Variants in LPP observed in about 807,000 individuals in gnomAD.
The protein encoded by LPP is LIM domain containing preferred translocation partner in lipoma.
A neutral mutation model predicts 60.4 loss-of-function variants in LPP; 38 were observed. That is an observed-to-expected ratio of 0.63 (90% CI 0.49 to 0.83). LPP has a LOEUF of 0.83. Among genes scored for constraint, LPP ranks in the 40% least tolerant of loss-of-function variants. The probability of loss-of-function intolerance (pLI) is 0.00; values close to 1 mark genes in which losing one functional copy is unlikely to be tolerated. For missense variants in LPP, 902 were observed against 783.6 expected (o/e 1.15, Z -1.80); for synonymous variants, 328 against 290.8 (o/e 1.13, Z -1.30).
At chr3:188,680,519 A>C (rs1459233953) in intron 7 of LPP, among the ~76,000 whole-genome samples, 1 of 152,262 alleles carries the variant, frequency 6.6e-6, no homozygotes, top group Non-Finnish European at 1.5e-5. Context: ...TTCATATTTC[A>C]GATGCCTGCA....
At chr3:188,495,083 T>TATATATATATATATTTA (rs57578460) in intron 5 of LPP, among the ~76,000 whole-genome samples, 3 of 77,812 alleles carry the variant, frequency 3.9e-5, no homozygotes, top group African/African-American at 8.6e-5. Context: ...TATATATATA[T>TATATATATATATATTTA]TTTATTTATA....
rs1161825525 is a variant in LPP at position 188,876,743 on chromosome 3, T to C, written c.*2264T>C. The C allele has an allele frequency of 2.1e-5, 4 of 187,180 alleles. No homozygotes were observed. The highest frequency in any genetic ancestry group is 3.4e-5 in the Non-Finnish European group (3 of 88,612). 11.6% of individuals were successfully genotyped at this position (187,180 alleles called of 1,614,324 possible). A position where few individuals can be genotyped will look rare whatever the true frequency, so the allele number is the denominator to read the frequency against. ...AAAGTGGTCATATTATTATTAATTT[T>C]GCCAAAAGAAGAAGAATTTATTGAA... On this transcript the variant is annotated 3_prime_UTR_variant, in exon 12 of 12. Transcript: ENST00000617246.
chr3:188,754,045 A>G (rs2150369245), intron 8 of LPP, among the ~76,000 whole-genome samples: 1 of 152,288 alleles, frequency 6.6e-6, no homozygotes, highest in South Asian at 2.1e-4. Context: ...GAGTCCCAAG[A>G]AAATAGTGAG....
chr3:188,467,639 C>T lies in LPP; in HGVS notation c.194-16953C>T, dbSNP rs116230632. 1.9e-3 allele frequency among the ~76,000 whole-genome samples: 294 copies of T among 152,172 alleles called. 1 individual carries two copies. Among genetic ancestry groups the T allele is most frequent in the African/African-American group, 6.5e-3 (271 of 41,536 alleles). ...TCCTGGAGTATAAGGATGGGCCCAA[C>T]GCTATTACAAGTGTGATAGCAAATG... On this transcript the variant is annotated intron_variant, in intron 4 of 11. Coordinates refer to ENST00000617246, the MANE Select transcript of LPP (RefSeq NM_001375462.1).
chr3:188,751,566 A>G (rs1455733299), intron 8 of LPP, among the ~76,000 whole-genome samples: 2 of 152,218 alleles, frequency 1.3e-5, no homozygotes, highest in Non-Finnish European at 2.9e-5. Flanking sequence ...CTGCCTGGCC[A>G]GATAATTTTA....
At chr3:188,184,961 A>G (rs1577168812) in intron 1 of LPP, among the ~76,000 whole-genome samples, 1 of 152,006 alleles carries the variant, frequency 6.6e-6, no homozygotes, top group Admixed American at 6.5e-5. Context: ...AAGAAGAGAG[A>G]GCTATGAAAC....
At chr3:188,616,194 C>T (rs1844817623) in intron 7 of LPP, among the ~76,000 whole-genome samples, 7 of 152,102 alleles carry the variant, frequency 4.6e-5, no homozygotes, top group Admixed American at 4.6e-4. Context: ...AGGTTTTCTC[C>T]TAGGGTTTTT....
At chr3:188,202,823 T>G (rs992266445) in intron 1 of LPP, among the ~76,000 whole-genome samples, 14 of 152,120 alleles carry the variant, frequency 9.2e-5, no homozygotes, top group Admixed American at 6.6e-5. Context: ...ATTTCTGAAG[T>G]CTTTTCTTGG....
chr3:188,764,650 C>T (rs943605610), intron 9 of LPP, among the ~76,000 whole-genome samples: 1 of 152,192 alleles, frequency 6.6e-6, no homozygotes, highest in Non-Finnish European at 1.5e-5. Flanking sequence ...CATAAAGAGA[C>T]AGCCTTACTC....
At chr3:188,663,483 A>C (rs1855059843) in intron 7 of LPP, among the ~76,000 whole-genome samples, 1 of 152,012 alleles carries the variant, frequency 6.6e-6, no homozygotes, top group African/African-American at 2.4e-5. Context: ...TCTTTTCTCC[A>C]CCTCCCATGC....
intron 1 of LPP, among the ~76,000 whole-genome samples, chr3:188,215,448 A>G (rs886781835): frequency 5.9e-5 from 9 of 152,138 alleles, no homozygotes; most frequent in Non-Finnish European, 1.0e-4. Context: ...CCTCTCCTCC[A>G]GCCCCTGGCA....
chr3:188,753,865 A>T (rs974422493), intron 8 of LPP, among the ~76,000 whole-genome samples: 3 of 152,138 alleles, frequency 2.0e-5, no homozygotes, highest in East Asian at 1.9e-4. Context: ...CTAGCCACGT[A>T]CCTGTTGAAC....
chr3:188,633,331 T>C (rs1016034414), intron 7 of LPP, among the ~76,000 whole-genome samples: 3 of 152,304 alleles, frequency 2.0e-5, no homozygotes, highest in Middle Eastern at 3.4e-3. Flanking sequence ...TTGTGTTGTT[T>C]TGTCAAAGCT....
At chr3:188,273,630 T>C (rs1224726191) in intron 2 of LPP, among the ~76,000 whole-genome samples, 1 of 136,308 alleles carries the variant, frequency 7.3e-6, no homozygotes, top group African/African-American at 2.7e-5. Context: ...AGTTTCACTC[T>C]TGTTGCCCAG....
chr3:188,177,500 A>T (rs1159012871), intron 1 of LPP, among the ~76,000 whole-genome samples: 1 of 152,124 alleles, frequency 6.6e-6, no homozygotes, highest in African/African-American at 2.4e-5. Flanking sequence ...TTAGCGGCAA[A>T]GACACTAGAT....
intron 3 of LPP, among the ~76,000 whole-genome samples, chr3:188,385,513 A>G (rs867414854): frequency 6.6e-6 from 1 of 152,160 alleles, no homozygotes; most frequent in Non-Finnish European, 1.5e-5. Context: ...TACAAACACT[A>G]TTAAAATGTC....
At chr3:188,387,232 TAG>T (rs1337996235) in intron 3 of LPP, among the ~76,000 whole-genome samples, 1 of 151,998 alleles carries the variant, frequency 6.6e-6, no homozygotes, top group Non-Finnish European at 1.5e-5. Flanking sequence ...AGGTGTAAAA[TAG>T]AGTCACCCAT....
rs1344229415 is a variant in LPP, at chr3:188,866,376, C to T, written c.1587C>T (p.His529=). The change falls in exon 10 of 12, where the codon CAC becomes CAT. Residue 529 remains histidine (H), a splice_region_variant and synonymous_variant. Transcript: ENST00000617246. The part of the protein sequence containing the change: ...GGLIHCIEDF[H]KKFAPRCSVC... Reference sequence around the variant, plus strand: ...TCATTCACTGCATTGAGGACTTCCACAAGTAGGCAACCTACTCTCTCGTCA... The same window carrying T: ...TCATTCACTGCATTGAGGACTTCCATAAGTAGGCAACCTACTCTCTCGTCA... 1 of 1,462,946 alleles carries T rather than the reference C, an allele frequency of 6.8e-7. No individual in the cohort carries two copies. Among genetic ancestry groups the T allele is most frequent in the East Asian group, 2.6e-5 (1 of 38,116 alleles). 90.6% of individuals were successfully genotyped at this position (1,462,946 alleles called of 1,614,324 possible).
In LPP at chr3:188,200,313, G is replaced by A. The variant is rs955691202; in HGVS notation, c.-189-25092G>A. 2.0e-5 allele frequency among the ~76,000 whole-genome samples: 3 copies of A among 150,310 alleles called. No individual in the cohort carries two copies. In the East Asian group the frequency reaches 5.9e-4, roughly 30 times the overall value. Reference sequence around the variant, plus strand: ...TGCCCAGGCTGGAGTGCAGTGGTGCGATCGCGGCTCACCGCAACCTCTGCC... The same window carrying A: ...TGCCCAGGCTGGAGTGCAGTGGTGCAATCGCGGCTCACCGCAACCTCTGCC... On this transcript the variant is annotated intron_variant, in intron 1 of 11. Transcript: ENST00000617246.
Sources: allele counts gnomAD v4.1 joint callset (sites outside exome capture counted in the v4.1 genomes callset), GRCh38; gene constraint gnomAD v4.1.1; transcripts MANE v1.5; gene names NCBI Gene and HGNC (gene_info 2026-07-23, HGNC 2026-07-21).